Variants in MAEA observed in about 807,000 individuals in gnomAD.
The protein encoded by MAEA is E3 ubiquitin-protein transferase MAEA.
A neutral mutation model predicts 46.2 loss-of-function variants in MAEA; 22 were observed. The observed-to-expected ratio is 0.48, with a 90% confidence interval of 0.34 to 0.68. The LOEUF (loss-of-function observed/expected upper bound fraction) is 0.68. Among genes scored for constraint, MAEA ranks in the 30% least tolerant of loss-of-function variants. The pLI, the probability that MAEA is intolerant of heterozygous loss-of-function variation, is 0.01. For missense variants in MAEA, 393 were observed against 558.1 expected, an observed-to-expected ratio of 0.70 and a Z score of 2.98; for synonymous variants, 246 against 222.6, an observed-to-expected ratio of 1.11 and a Z score of -0.94.
chr4:1,308,422 TACCTCCTGGG>T (rs1222019730), intron 1 of MAEA, among the ~76,000 whole-genome samples: 1 of 152,228 alleles, frequency 6.6e-6, no homozygotes, highest in East Asian at 1.9e-4. Context: ...GGTGTGCAGA[TACCTCCTGGG>T]ACCCTGCCTT....
At chr4:1,329,721 G>T in intron 5 of MAEA, 1 of 985,534 alleles carries the variant, frequency 1.0e-6, no homozygotes, top group Non-Finnish European at 1.2e-6. Flanking sequence ...GTGGGGCATC[G>T]GCAGGACGTT....
chr4:1,303,894 G>A (rs1339978631), intron 1 of MAEA, among the ~76,000 whole-genome samples: 2 of 140,066 alleles, frequency 1.4e-5, no homozygotes, highest in African/African-American at 5.9e-5. Flanking sequence ...AGGGGGGTCC[G>A]GCAGGGCAGG....
intron 1 of MAEA, among the ~76,000 whole-genome samples, chr4:1,297,025 C>T (rs1265478301): frequency 6.6e-6 from 1 of 152,192 alleles, no homozygotes; most frequent in African/African-American, 2.4e-5. Flanking sequence ...TCCCTGAGGC[C>T]ATCCCGTGTA....
intron 1 of MAEA, among the ~76,000 whole-genome samples, chr4:1,297,463 G>A (rs185719491): frequency 6.6e-6 from 1 of 152,224 alleles, no homozygotes; most frequent in Non-Finnish European, 1.5e-5. Context: ...ACGTGCGTAT[G>A]TGTGTGTGTA....
chr4:1,311,910 T>C lies in MAEA; in HGVS notation c.70-69T>C. 1.4e-6 allele frequency: 2 copies of C among 1,431,262 alleles called. No homozygotes were observed. Among genetic ancestry groups the C allele is most frequent in the Non-Finnish European group, 1.9e-6 (2 of 1,034,296 alleles). 88.7% of individuals were successfully genotyped at this position (1,431,262 alleles called of 1,614,324 possible). ...AAGTGCCATGAGGAGACCTGGTGTG[T>C]CCTGGGTGTGGGGCTGGTGGGGCTC... On this transcript the variant is annotated intron_variant, in intron 1 of 8. Coordinates refer to ENST00000303400, the MANE Select transcript of MAEA (RefSeq NM_001017405.3). The surrounding 1 kb of genome is among the most constrained non-coding windows in gnomAD (Gnocchi z 4.4).
chr4:1,332,748 G>A lies in MAEA; in HGVS notation c.657-9G>A, dbSNP rs369790535. ...GCAAACTTAAATGTGCCAAAATGTT[G>A]TTTTTTAGACATGCAAGAAAGCACT... On this transcript the variant is annotated splice_polypyrimidine_tract_variant and intron_variant, in intron 5 of 8. Transcript: ENST00000303400. The A allele has an allele frequency of 6.2e-7, 1 of 1,606,008 alleles. No individual in the cohort carries two copies. Among genetic ancestry groups the A allele is most frequent in the African/African-American group, 1.3e-5 (1 of 74,730 alleles).
chr4:1,297,454 C>CGTGTGTGTGTGTGT lies in MAEA; in HGVS notation c.69+7475_69+7476insTGTGTGTGTGTGTG, dbSNP rs368069067. On this transcript the variant is annotated intron_variant, in intron 1 of 8. Coordinates refer to ENST00000303400, the MANE Select transcript of MAEA (RefSeq NM_001017405.3). ...AGCTTTGGAGGAGCCTGAAAAAGTA[C>CGTGTGTGTGTGTGT]GTGCGTATGTGTGTGTGTATACATA... Among the ~76,000 whole-genome samples, 572 of 150,580 alleles carry CGTGTGTGTGTGTGT rather than the reference C, an allele frequency of 3.8e-3. 9 individuals carry two copies. Among genetic ancestry groups the CGTGTGTGTGTGTGT allele is most frequent in the East Asian group, 0.015 (76 of 5,078 alleles).
At chr4:1,338,345 G>A in intron 7 of MAEA, 77 bp from the exon 8 acceptor site, 1 of 1,201,274 alleles carries the variant, frequency 8.3e-7, no homozygotes, top group Non-Finnish European at 1.2e-6. Flanking sequence ...GCAGCCCAGG[G>A]CAGAGTGGCC....
Position 1,334,352 on chromosome 4 carries a change from G to C in MAEA, c.765+1487G>C, listed in dbSNP as rs561310455. Reference sequence around the variant, plus strand: ...GACTGCAAAGCCCTGGGCAGTCCCAGACCTGCTGCCTTCTGAAAGCTGCTG... The same window carrying C: ...GACTGCAAAGCCCTGGGCAGTCCCACACCTGCTGCCTTCTGAAAGCTGCTG... On this transcript the variant is annotated intron_variant, in intron 6 of 8. Coordinates refer to ENST00000303400, the MANE Select transcript of MAEA (RefSeq NM_001017405.3). 7.4e-3 allele frequency among the ~76,000 whole-genome samples: 1,077 copies of C among 144,914 alleles called. 20 individuals are homozygous for C. The highest frequency in any genetic ancestry group is 0.026 in the African/African-American group (1,002 of 38,782).
Position 1,325,855 on chromosome 4 carries a change from C to G in MAEA, c.580-1772C>G, listed in dbSNP as rs75640159. Among the ~76,000 whole-genome samples the G allele has an allele frequency of 3.5e-3, 538 of 152,318 alleles. 3 individuals are homozygous for G. Among genetic ancestry groups the G allele is most frequent in the African/African-American group, 0.012 (517 of 41,564 alleles). ...TGATTTGTACCAAGCCTGGCACTCC[C>G]CACCCAGAGCCTGTGCCACTGCTGG... On this transcript the variant is annotated intron_variant, in intron 4 of 8. Coordinates refer to ENST00000303400, the MANE Select transcript of MAEA (RefSeq NM_001017405.3).
At chr4:1,303,584 C>T (rs867269856) in intron 1 of MAEA, among the ~76,000 whole-genome samples, 2 of 151,986 alleles carry the variant, frequency 1.3e-5, no homozygotes, top group African/African-American at 4.8e-5. Flanking sequence ...AAGCCAGATA[C>T]AAAAGTCCAC....
chr4:1,291,784 T>A (rs1354539423), intron 1 of MAEA, among the ~76,000 whole-genome samples: 1 of 152,242 alleles, frequency 6.6e-6, no homozygotes, highest in Non-Finnish European at 1.5e-5. Flanking sequence ...TGTTTTGTAA[T>A]CGTGAATGTA....
intron 2 of MAEA, 69 bp from the exon 3 acceptor site, chr4:1,315,328 C>G: frequency 6.8e-7 from 1 of 1,478,872 alleles, no homozygotes; most frequent in Non-Finnish European, 9.4e-7. Context: ...TTGGGGCAGC[C>G]TGGCCTCCCT....
intron 1 of MAEA, among the ~76,000 whole-genome samples, chr4:1,303,609 C>T (rs1735548352): frequency 6.6e-6 from 1 of 152,004 alleles, no homozygotes; most frequent in Non-Finnish European, 1.5e-5. Context: ...CGTGTGATTC[C>T]ATTTATATGG....
chr4:1,297,979 C>T, intron 1 of MAEA: 1 of 456,256 alleles, frequency 2.2e-6, no homozygotes, highest in Non-Finnish European at 4.4e-6. Context: ...GGAAACCCCG[C>T]TGTGCAAGGC....
intron 1 of MAEA, among the ~76,000 whole-genome samples, chr4:1,305,453 G>A (rs1735737374): frequency 6.6e-6 from 1 of 152,202 alleles, no homozygotes; most frequent in Non-Finnish European, 1.5e-5. Context: ...ATGGACAATT[G>A]GAACTGTGGT....
chr4:1,338,376 C>A, intron 7 of MAEA, 46 bp from the exon 8 acceptor site: 1 of 1,526,840 alleles, frequency 6.5e-7, no homozygotes, highest in South Asian at 1.2e-5. Flanking sequence ...GGGCTCACCC[C>A]GGCTGCCCTG....
At chr4:1,329,937 G>A in intron 5 of MAEA, 17 of 985,540 alleles carry the variant, frequency 1.7e-5, no homozygotes, top group Non-Finnish European at 2.0e-5. Context: ...TGGCGCTGGA[G>A]CGTCGGGCAC....
intron 3 of MAEA, among the ~76,000 whole-genome samples, chr4:1,318,063 T>TC (rs1737527815): frequency 6.6e-6 from 1 of 152,186 alleles, no homozygotes; most frequent in South Asian, 2.1e-4. Context: ...CGGTGCCCTG[T>TC]CCCACATGCC....
Sources: gnomAD v4.1 joint callset for allele counts (sites outside exome capture counted in the v4.1 genomes callset) on GRCh38, gnomAD v4.1.1 for gene constraint, Gnocchi (gnomAD v3.1) non-coding constraint, MANE v1.5 for transcripts, NCBI Gene and HGNC (gene_info 2026-07-23, HGNC 2026-07-21) for gene names.